NFKBIL1: variants seen among roughly 807,000 people sequenced by gnomAD.
The protein encoded by NFKBIL1 is NF-kappa-B inhibitor-like protein 1.
In NFKBIL1, 30 loss-of-function variants were observed where a neutral mutation model predicts 45.4. That is an observed-to-expected ratio of 0.66 (90% CI 0.49 to 0.90). The LOEUF is 0.90. NFKBIL1 is among the 40% of genes least tolerant of loss of function. The pLI is 0.00. For synonymous variants in NFKBIL1, 179 were observed against 197.3 expected, an observed-to-expected ratio of 0.91 and a Z score of 0.78; for missense variants, 434 against 513.4, an observed-to-expected ratio of 0.85 and a Z score of 1.49.
At chr6:31,555,609 CTTTTTTT>C (rs772749122) in intron 2 of NFKBIL1, among the ~76,000 whole-genome samples, 1 of 72,258 alleles carries the variant, frequency 1.4e-5, no homozygotes, top group Admixed American at 1.6e-4. Flanking sequence ...CTCTCTCTCT[CTTTTTTT>C]TTTTTTTTTT....
At position 31,558,718 on chromosome 6, in the gene NFKBIL1, CAG is replaced by C. The variant is rs1229260136; in HGVS notation, c.*110_*111del. 4.0e-5 allele frequency: 40 copies of C among 1,012,058 alleles called. No individual in the cohort carries two copies. The highest frequency in any genetic ancestry group is 5.2e-5 in the Non-Finnish European group (37 of 706,230). 62.7% of individuals were successfully genotyped at this position (1,012,058 alleles called of 1,614,324 possible). ...CAAGGAAGAGCCAGGTGCTGCTCAG[CAG>C]AGGATATGGGTGGGAGCGAAAGTTG... On this transcript the variant is annotated 3_prime_UTR_variant, in exon 4 of 4. Transcript: ENST00000376148. This position sits in a 1 kb window ranked among gnomAD's most constrained non-coding sequence, Gnocchi z 7.2.
At chr6:31,547,539 C>T (rs769077137), upstream of NFKBIL1, 15 of 498,500 alleles carry the variant, frequency 3.0e-5, no homozygotes, top group African/African-American at 6.0e-5. Flanking sequence ...TAACGCCCCT[C>T]ACAGTTCACT....
chr6:31,555,731 C>T (rs1201339411), intron 2 of NFKBIL1, among the ~76,000 whole-genome samples: 2 of 148,560 alleles, frequency 1.3e-5, no homozygotes, highest in African/African-American at 4.9e-5. Context: ...TTCTCTGCCT[C>T]AACCTCCCAA....
At chr6:31,547,286 CTCT>C (rs1186262238), upstream of NFKBIL1, among the ~76,000 whole-genome samples, 15 of 151,802 alleles carry the variant, frequency 9.9e-5, no homozygotes, top group African/African-American at 3.6e-4. Context: ...TCTTTATCTC[CTCT>C]ATTTTCTCTG....
At chr6:31,550,148 C>T (rs1769347103) in intron 2 of NFKBIL1, among the ~76,000 whole-genome samples, 2 of 151,766 alleles carry the variant, frequency 1.3e-5, no homozygotes, top group Admixed American at 1.3e-4. Flanking sequence ...TTGTGGTGAG[C>T]CGAGATTGCA....
intron 2 of NFKBIL1, 48 bp downstream of exon 2, chr6:31,548,487 T>C (rs1299853211): frequency 1.4e-6 from 2 of 1,436,708 alleles, no homozygotes; most frequent in East Asian, 5.1e-5. Context: ...TGACCAGACC[T>C]GAAATGAAAG....
At chr6:31,549,997 C>T (rs772065789) in intron 2 of NFKBIL1, among the ~76,000 whole-genome samples, 4 of 151,998 alleles carry the variant, frequency 2.6e-5, no homozygotes, top group African/African-American at 4.8e-5. Context: ...GTCAGGAGTT[C>T]GAGACCAGCC....
chr6:31,555,952 C>G (rs1329388702), intron 2 of NFKBIL1, among the ~76,000 whole-genome samples: 8 of 151,698 alleles, frequency 5.3e-5, no homozygotes, highest in Non-Finnish European at 7.4e-5. Flanking sequence ...AGCCACCGTG[C>G]CTGGCCACAT....
chr6:31,552,735 C>T (rs1769504016), intron 2 of NFKBIL1, among the ~76,000 whole-genome samples: 1 of 102,150 alleles, frequency 9.8e-6, no homozygotes, highest in Non-Finnish European at 1.8e-5. Context: ...GATGGAGTCT[C>T]ATTCTGTCGC....
intron 2 of NFKBIL1, among the ~76,000 whole-genome samples, chr6:31,552,660 G>A (rs1487031712): frequency 6.8e-6 from 1 of 146,318 alleles, no homozygotes; most frequent in Non-Finnish European, 1.5e-5. Context: ...GGTTGATCTG[G>A]TAAATCGCTA....
At chr6:31,555,867 T>G (rs1769708548) in intron 2 of NFKBIL1, among the ~76,000 whole-genome samples, 2 of 149,716 alleles carry the variant, frequency 1.3e-5, no homozygotes, top group Non-Finnish European at 3.0e-5. Context: ...TTGGCCAGGC[T>G]GGTATTGAAC....
rs1769809515 is a variant in NFKBIL1 at position 31,557,522 on chromosome 6, T to C, written c.335-106T>C. The C allele has an allele frequency of 2.4e-6, 2 of 843,450 alleles. No homozygotes were observed. The highest frequency in any genetic ancestry group is 2.8e-5 in the East Asian group (1 of 35,590). The allele number at this position is 843,450 out of a possible 1,614,324, so 52.2% of individuals were successfully genotyped here. A position where few individuals can be genotyped will look rare whatever the true frequency, so the allele number is the denominator to read the frequency against. On this transcript the variant is annotated intron_variant, in intron 2 of 3. Coordinates refer to ENST00000376148, the MANE Select transcript of NFKBIL1 (RefSeq NM_005007.4). The surrounding 1 kb of genome is among the most constrained non-coding windows in gnomAD (Gnocchi z 5.4). ...GGCATCCATGTGAGCCACCCTTCCA[T>C]TGCTTTAAGACCAAGGGAGCGAGTG...
chr6:31,558,083 C>G lies in NFKBIL1; in HGVS notation c.618C>G (p.Ala206=), dbSNP rs1381717955. The G allele has an allele frequency of 6.2e-7, 1 of 1,612,524 alleles. No individual in the cohort carries two copies. The highest frequency in any genetic ancestry group is 1.7e-5 in the Admixed American group (1 of 59,992). The change falls in exon 4 of 4, where the codon GCC becomes GCG. Residue 206 remains alanine, a synonymous_variant. Coordinates refer to ENST00000376148, the MANE Select transcript of NFKBIL1 (RefSeq NM_005007.4). This position sits in a 1 kb window ranked among gnomAD's most constrained non-coding sequence, Gnocchi z 7.2. ...ESFSAWSDRL[A]REHAQKCQQQ... ...TCTCAGCCTGGTCAGATCGCCTGGC[C>G]CGGGAACATGCCCAGAAGTGCCAGC...
intron 2 of NFKBIL1, among the ~76,000 whole-genome samples, chr6:31,553,059 C>A (rs1271438122): frequency 1.6e-5 from 2 of 127,906 alleles, no homozygotes; most frequent in Non-Finnish European, 1.6e-5. Flanking sequence ...TTTTTTTTTC[C>A]GAGACAGAGT....
intron 2 of NFKBIL1, among the ~76,000 whole-genome samples, chr6:31,556,170 C>T (rs1395228416): frequency 6.6e-6 from 1 of 151,746 alleles, no homozygotes; most frequent in Admixed American, 6.6e-5. Flanking sequence ...CAGGTACTTT[C>T]TGGGTGGGAC....
intron 2 of NFKBIL1, among the ~76,000 whole-genome samples, chr6:31,552,716 G>A (rs1455096086): frequency 8.2e-5 from 6 of 72,992 alleles, no homozygotes; most frequent in Non-Finnish European, 1.2e-4. Context: ...TTTTTTTGGC[G>A]AAGTGGGGGA....
chr6:31,549,046 G>A (rs1301605399), intron 2 of NFKBIL1, among the ~76,000 whole-genome samples: 2 of 152,076 alleles, frequency 1.3e-5, no homozygotes, highest in Non-Finnish European at 2.9e-5. Context: ...AGATGGACTA[G>A]ATAGAGTGTC....
chr6:31,558,179 G>A lies in NFKBIL1; in HGVS notation c.714G>A (p.Gln238=). The change falls in exon 4 of 4, where the codon CAG becomes CAA. Residue 238 remains glutamine (Q), a synonymous_variant. Transcript: ENST00000376148. This position sits in a 1 kb window ranked among gnomAD's most constrained non-coding sequence, Gnocchi z 7.2. ...AGGGCTCCAGCCAGAGCTGGCGACAGCAGGAGGAGGAGCAGCGGCTCTTCA... is the reference window on the plus strand; with the variant it reads ...AGGGCTCCAGCCAGAGCTGGCGACAACAGGAGGAGGAGCAGCGGCTCTTCA... The part of the protein sequence containing the change: ...RAEGSSQSWR[Q]QEEEQRLFRE... 6.2e-7 allele frequency: 1 copy of A among 1,609,574 alleles called. No individual in the cohort carries two copies. The highest frequency in any genetic ancestry group is 8.5e-7 in the Non-Finnish European group (1 of 1,178,552).
Position 31,557,918 on chromosome 6 carries a change from A to G in NFKBIL1, c.556+69A>G. On this transcript the variant is annotated intron_variant, in intron 3 of 3. Transcript: ENST00000376148. The surrounding 1 kb of genome is among the most constrained non-coding windows in gnomAD (Gnocchi z 5.4). ...TGCTTTCCATCTGCATGAATGCGTCACACTAGGCTCCTCTGCCCCCTCCTC... is the reference window on the plus strand; with the variant it reads ...TGCTTTCCATCTGCATGAATGCGTCGCACTAGGCTCCTCTGCCCCCTCCTC... 6.6e-7 allele frequency: 1 copy of G among 1,505,860 alleles called. No individual in the cohort carries two copies. The highest frequency in any genetic ancestry group is 2.3e-5 in the East Asian group (1 of 43,388). 93.3% of individuals were successfully genotyped at this position (1,505,860 alleles called of 1,614,324 possible).
Sources: gnomAD v4.1 joint callset for allele counts (sites outside exome capture counted in the v4.1 genomes callset) on GRCh38, gnomAD v4.1.1 for gene constraint, Gnocchi (gnomAD v3.1) non-coding constraint, MANE v1.5 for transcripts, NCBI Gene and HGNC (gene_info 2026-07-23, HGNC 2026-07-21) for gene names.